The following TMEM108 variants were observed in gnomAD, a reference collection of about 807,000 sequenced individuals.
TMEM108 encodes the protein cancer/testis antigen 124.
In TMEM108, 12 loss-of-function variants were observed where a neutral mutation model predicts 35.1. That is an observed-to-expected ratio of 0.34 (90% CI 0.22 to 0.55). The LOEUF is 0.55. Among genes scored for constraint, TMEM108 ranks in the 20% least tolerant of loss-of-function variants. The pLI, the probability that TMEM108 is intolerant of heterozygous loss-of-function variation, is 0.89. For synonymous variants in TMEM108, 287 were observed against 308.6 expected, an observed-to-expected ratio of 0.93 and a Z score of 0.73; for missense variants, 680 against 753.3, an observed-to-expected ratio of 0.90 and a Z score of 1.14.
chr3:133,231,520 C>A (rs1946153059), intron 3 of TMEM108, among the ~76,000 whole-genome samples: 1 of 152,088 alleles, frequency 6.6e-6, no homozygotes, highest in Admixed American at 6.6e-5. Flanking sequence ...GGTCAGAATT[C>A]TTATAAGGCA....
At chr3:133,176,273 G>C (rs911963925) in intron 2 of TMEM108, among the ~76,000 whole-genome samples, 1 of 151,730 alleles carries the variant, frequency 6.6e-6, no homozygotes, top group South Asian at 2.1e-4. Context: ...CAAGACAGAA[G>C]GTTAACAAGG....
intron 2 of TMEM108, among the ~76,000 whole-genome samples, chr3:133,204,899 G>A (rs530006240): frequency 2.0e-5 from 3 of 152,064 alleles, no homozygotes; most frequent in Admixed American, 1.3e-4. Flanking sequence ...TTCACAATGG[G>A]GTGTTAAAGT....
intron 2 of TMEM108, among the ~76,000 whole-genome samples, chr3:133,196,415 G>A (rs1439953091): frequency 1.3e-5 from 2 of 152,302 alleles, no homozygotes; most frequent in East Asian, 3.9e-4. Context: ...TAGAAAACAA[G>A]TACAATATTT....
chr3:133,229,250 T>A lies in TMEM108; in HGVS notation c.-46-16T>A. ...TGTTCCTCAGATGTAACAATTTTCT[T>A]CTCCCAATTTCCTAGACAGAATCAT... On this transcript the variant is annotated splice_polypyrimidine_tract_variant and intron_variant, in intron 2 of 5. Transcript: ENST00000321871. 6.5e-7 allele frequency: 1 copy of A among 1,532,932 alleles called. No individual in the cohort carries two copies. 95.0% of individuals were successfully genotyped at this position (1,532,932 alleles called of 1,614,324 possible). A position where few individuals can be genotyped will look rare whatever the true frequency, so the allele number is the denominator to read the frequency against.
At chr3:133,320,387 A>G (rs544637807) in intron 3 of TMEM108, among the ~76,000 whole-genome samples, 8 of 152,254 alleles carry the variant, frequency 5.3e-5, no homozygotes, top group African/African-American at 1.4e-4. Flanking sequence ...AATACAAAAT[A>G]TACTAGAAAG....
At chr3:133,048,397 A>T (rs912752820) in intron 2 of TMEM108, among the ~76,000 whole-genome samples, 6 of 152,236 alleles carry the variant, frequency 3.9e-5, no homozygotes, top group Non-Finnish European at 7.3e-5. Context: ...TATCTTTAAT[A>T]TATGCCCTTT....
chr3:133,200,017 T>G (rs1041504387), intron 2 of TMEM108, among the ~76,000 whole-genome samples: 3 of 152,168 alleles, frequency 2.0e-5, no homozygotes, highest in Non-Finnish European at 4.4e-5. Flanking sequence ...GATCTCAGAC[T>G]GCTGTGCTAG....
chr3:133,200,843 A>C (rs936339231), intron 2 of TMEM108, among the ~76,000 whole-genome samples: 2 of 152,232 alleles, frequency 1.3e-5, no homozygotes, highest in Non-Finnish European at 2.9e-5. Context: ...ATGAATTAAA[A>C]TTTAAAATTT....
At position 133,326,136 on chromosome 3, in the gene TMEM108, A is replaced by G. The variant is rs370301681; in HGVS notation, c.41-53616A>G. On this transcript the variant is annotated intron_variant, in intron 3 of 5. Transcript: ENST00000321871. ...AACAAAAAAACACAAAATTTTCACC[A>G]TGGTGAATGTGGAATTTACTGACCA... 1.1e-4 allele frequency among the ~76,000 whole-genome samples: 16 copies of G among 152,324 alleles called. No individual in the cohort carries two copies. The East Asian group carries it at 1.2e-3, about 11-fold the overall frequency.
At chr3:133,292,755 C>G (rs1316916617) in intron 3 of TMEM108, among the ~76,000 whole-genome samples, 1 of 152,170 alleles carries the variant, frequency 6.6e-6, no homozygotes, top group Non-Finnish European at 1.5e-5. Context: ...CACAACTCCC[C>G]TGCTGTAAAA....
intron 2 of TMEM108, among the ~76,000 whole-genome samples, chr3:133,139,849 GTT>G (rs35842435): frequency 6.6e-6 from 1 of 152,188 alleles, no homozygotes; most frequent in African/African-American, 2.4e-5. Context: ...CCTGGGCACT[GTT>G]TTCCATGCCC....
chr3:133,331,694 A>G (rs887397242), intron 3 of TMEM108, among the ~76,000 whole-genome samples: 7 of 152,194 alleles, frequency 4.6e-5, no homozygotes, highest in Non-Finnish European at 1.0e-4. Context: ...ATCATTTCTC[A>G]TCTGATTTTC....
chr3:133,164,814 G>C (rs1408054119), intron 2 of TMEM108, among the ~76,000 whole-genome samples: 1 of 152,088 alleles, frequency 6.6e-6, no homozygotes, highest in Non-Finnish European at 1.5e-5. Flanking sequence ...GTTCACAAGA[G>C]AGGTCTCATT....
intron 4 of TMEM108, chr3:133,387,116 A>G (rs768614279): frequency 1.8e-5 from 18 of 985,398 alleles, no homozygotes; most frequent in Non-Finnish European, 2.2e-5. Context: ...CAATAGTCAT[A>G]TAACACAGTT....
chr3:133,266,975 G>A lies in TMEM108; in HGVS notation c.40+37624G>A, dbSNP rs576882353. On this transcript the variant is annotated intron_variant, in intron 3 of 5. Coordinates refer to ENST00000321871, the MANE Select transcript of TMEM108 (RefSeq NM_023943.4). ...GGTGCCTGTAGACCCAGCTACTCGG[G>A]AGGCTGAGGCAGGAGAATGGCGTGA... Among the ~76,000 whole-genome samples the A allele has an allele frequency of 3.3e-5, 5 of 151,308 alleles. No individual in the cohort carries two copies. In the East Asian group the frequency reaches 5.8e-4, roughly 18 times the overall value.
At chr3:133,358,540 T>C (rs1047901830) in intron 3 of TMEM108, among the ~76,000 whole-genome samples, 1 of 152,086 alleles carries the variant, frequency 6.6e-6, no homozygotes, top group African/African-American at 2.4e-5. Context: ...TTTATTCACA[T>C]AGAGCATGAG....
chr3:133,369,625 A>G (rs1339461121), intron 3 of TMEM108, among the ~76,000 whole-genome samples: 1 of 152,232 alleles, frequency 6.6e-6, no homozygotes, highest in East Asian at 1.9e-4. Context: ...AGAATCAGGA[A>G]ATATAGACAG....
chr3:133,384,134 G>C (rs780658093), intron 4 of TMEM108, among the ~76,000 whole-genome samples: 6 of 152,220 alleles, frequency 3.9e-5, no homozygotes, highest in Non-Finnish European at 7.3e-5. Context: ...AGGGCCCCTT[G>C]TTTTGGACCT....
intron 2 of TMEM108, among the ~76,000 whole-genome samples, chr3:133,147,392 C>A (rs780321424): frequency 9.9e-5 from 15 of 152,052 alleles, no homozygotes; most frequent in Admixed American, 2.6e-4. Flanking sequence ...ACTTCTCCAA[C>A]ATCTGTTCTT....
Sources: gnomAD v4.1 joint callset for allele counts (sites outside exome capture counted in the v4.1 genomes callset) on GRCh38, gnomAD v4.1.1 for gene constraint, MANE v1.5 for transcripts, NCBI Gene and HGNC (gene_info 2026-07-23, HGNC 2026-07-21) for gene names.